Variants in FAN1 observed in about 807,000 individuals in gnomAD.
The protein encoded by FAN1 is fanconi-associated nuclease 1.
A neutral mutation model predicts 104.9 loss-of-function variants in FAN1; 91 were observed. That is an observed-to-expected ratio of 0.87 (90% CI 0.73 to 1.03). The LOEUF is 1.03. FAN1 is among the 50% of genes least tolerant of loss of function. The pLI is 0.00. For missense variants in FAN1, 1,263 were observed against 1,239.9 expected (o/e 1.02, Z -0.28); for synonymous variants, 478 against 457.6 (o/e 1.04, Z -0.57).
intron 13 of FAN1, among the ~76,000 whole-genome samples, chr15:30,933,794 A>G (rs1299060397): frequency 2.6e-5 from 4 of 151,162 alleles, no homozygotes; most frequent in Admixed American, 2.0e-4. Flanking sequence ...GACTCTCACT[A>G]TCACCTAGGC....
At chr15:30,929,087 G>T in intron 11 of FAN1, 116 bp from the exon 12 acceptor site, 1 of 870,868 alleles carries the variant, frequency 1.1e-6, no homozygotes. Flanking sequence ...CTTATCTTTT[G>T]AGAGAAAGAA....
chr15:30,913,974 G>C lies in FAN1; in HGVS notation c.1694G>C (p.Cys565Ser). The C allele has an allele frequency of 6.2e-7, 1 of 1,614,186 alleles. No individual in the cohort carries two copies. The highest frequency in any genetic ancestry group is 8.5e-7 in the Non-Finnish European group (1 of 1,180,028). ...TCAATGGAAGATGAAGACGCCGCTT[G>C]TGGAGGTCAGGGACAGCTTTCAACA... is the stretch of plus-strand genomic sequence containing the variant. ...TDSMEDEDAA[C>S]GGQGQLSTVL... The change falls in exon 5 of 15, where the codon TGT becomes TCT. Residue 565 changes from cysteine (C) to serine (S), a missense_variant. Around this residue, in one of 2 missense-constraint regions of FAN1, gnomAD observed 581 missense variants for 668.8 expected, o/e 0.87. Coordinates refer to ENST00000362065, the MANE Select transcript of FAN1 (RefSeq NM_014967.5).
chr15:30,918,709 A>G (rs529343959), intron 6 of FAN1, among the ~76,000 whole-genome samples: 1 of 152,258 alleles, frequency 6.6e-6, no homozygotes, highest in Non-Finnish European at 1.5e-5. Flanking sequence ...AGACAGCTCA[A>G]GCGAACTTTC....
intron 14 of FAN1, among the ~76,000 whole-genome samples, chr15:30,938,212 A>T (rs975477303): frequency 6.6e-6 from 1 of 152,114 alleles, no homozygotes; most frequent in African/African-American, 2.4e-5. Flanking sequence ...AAACTAGCAT[A>T]ACCAGTGTTT....
intron 10 of FAN1, chr15:30,928,315 T>A: frequency 7.7e-7 from 1 of 1,295,320 alleles, no homozygotes; most frequent in Non-Finnish European, 9.8e-7. Flanking sequence ...AATGTTCATT[T>A]GAATTTTTCT....
intron 14 of FAN1, chr15:30,940,722 T>C: frequency 1.0e-6 from 1 of 989,352 alleles, no homozygotes; most frequent in African/African-American, 1.7e-5. Flanking sequence ...AAGCTTAGTA[T>C]GAAAAGCCTA....
chr15:30,934,952 A>C (rs1012549748), intron 13 of FAN1, among the ~76,000 whole-genome samples: 7 of 152,168 alleles, frequency 4.6e-5, no homozygotes, highest in African/African-American at 1.7e-4. Flanking sequence ...GTATTTACTC[A>C]TGTACATAGC....
rs2061959620 is a variant in FAN1, at chr15:30,905,629, A to C, written c.966A>C (p.Lys322Asn). 6.2e-7 allele frequency: 1 copy of C among 1,614,152 alleles called. No individual in the cohort carries two copies. The highest frequency in any genetic ancestry group is 2.2e-5 in the East Asian group (1 of 44,888). ...AKIQLSDSEA[K>N]SHSSADDASA... ...TACAGCTGTCAGATTCAGAGGCAAA[A>C]TCTCATAGTTCTGCAGATGATGCTT... The change falls in exon 2 of 15, where the codon AAA (lysine) becomes AAC (asparagine). Residue 322 changes from lysine (K) to asparagine (N), a missense_variant. Lys to Asn is a moderately conservative substitution (Grantham distance 94, BLOSUM62 0). Coordinates refer to ENST00000362065, the MANE Select transcript of FAN1 (RefSeq NM_014967.5).
intron 12 of FAN1, among the ~76,000 whole-genome samples, chr15:30,929,776 ATAT>A (rs1445121231): frequency 0.019 from 453 of 23,590 alleles, 70 homozygotes; most frequent in African/African-American, 0.029. Flanking sequence ...AATATATAAT[ATAT>A]TATATCATAT....
At chr15:30,911,769 T>G (rs1466539924) in intron 4 of FAN1, 1 of 958,076 alleles carries the variant, frequency 1.0e-6, no homozygotes, top group African/African-American at 1.8e-5. Context: ...AACATTAAAT[T>G]TAGCCACCCT....
chr15:30,914,404 G>A (rs1015019679), intron 5 of FAN1, among the ~76,000 whole-genome samples: 4 of 152,058 alleles, frequency 2.6e-5, no homozygotes, highest in African/African-American at 7.2e-5. Context: ...ACAGGATTTC[G>A]CCCAGGCTGG....
chr15:30,927,192 G>T (rs188483191), intron 10 of FAN1: 35 of 972,504 alleles, frequency 3.6e-5, no homozygotes, highest in Non-Finnish European at 4.0e-5. Flanking sequence ...CTGGGTGACA[G>T]AGTGAGACCC....
At position 30,937,382 on chromosome 15, in the gene FAN1, G is replaced by A. The variant is rs1304284922; in HGVS notation, c.*3+123G>A. On this transcript the variant is annotated intron_variant, in intron 14 of 14. Transcript: ENST00000362065. ...ATAGTTTGACTTGTCATTTTACAGTGTCTGCATATCACAAAACAGTGTTTG... is the reference window on the plus strand; with the variant it reads ...ATAGTTTGACTTGTCATTTTACAGTATCTGCATATCACAAAACAGTGTTTG... 5.3e-5 allele frequency: 45 copies of A among 851,560 alleles called. 1 individual carries two copies. In the South Asian group the frequency reaches 7.6e-4, roughly 14 times the overall value. 52.8% of individuals were successfully genotyped at this position (851,560 alleles called of 1,614,324 possible).
chr15:30,911,654 C>G, intron 4 of FAN1: 2 of 913,110 alleles, frequency 2.2e-6, no homozygotes, highest in South Asian at 1.0e-4. Context: ...GTATAGAATC[C>G]TCATCTGTGT....
At chr15:30,916,775 T>C (rs1467852100) in intron 5 of FAN1, among the ~76,000 whole-genome samples, 1 of 152,184 alleles carries the variant, frequency 6.6e-6, no homozygotes, top group Non-Finnish European at 1.5e-5. Flanking sequence ...GCCTCAGCCA[T>C]CATGGGGCTA....
In FAN1 at chr15:30,926,119, G is replaced by A. The variant is rs375103814; in HGVS notation, c.2488+180G>A. On this transcript the variant is annotated intron_variant, in intron 10 of 14. Coordinates refer to ENST00000362065, the MANE Select transcript of FAN1 (RefSeq NM_014967.5). ...TATCAATGATAAGGAGTAGGTCAGGGGTAGTTGTCCCACAGGGCCTGGCTC... is the reference window on the plus strand; with the variant it reads ...TATCAATGATAAGGAGTAGGTCAGGAGTAGTTGTCCCACAGGGCCTGGCTC... 1.1e-4 allele frequency among the ~76,000 whole-genome samples: 16 copies of A among 152,270 alleles called. 2 individuals carry two copies. Among genetic ancestry groups the A allele is most frequent in the African/African-American group, 3.9e-4 (16 of 41,558 alleles).
At chr15:30,933,676 C>T (rs1487320957) in intron 13 of FAN1, among the ~76,000 whole-genome samples, 1 of 151,610 alleles carries the variant, frequency 6.6e-6, no homozygotes, top group African/African-American at 2.4e-5. Flanking sequence ...TGTGTCCTTA[C>T]TGATTTCTTA....
At chr15:30,939,728 A>C in intron 14 of FAN1, 1 of 981,028 alleles carries the variant, frequency 1.0e-6, no homozygotes, top group African/African-American at 1.7e-5. Flanking sequence ...ATAATAAAAA[A>C]GCAGCTAAAT....
chr15:30,904,442 T>C (rs1046355779), intron 1 of FAN1, 70 bp from the exon 2 acceptor site: 1 of 631,090 alleles, frequency 1.6e-6, no homozygotes, highest in Non-Finnish European at 2.8e-6. Context: ...TCTTAAACGT[T>C]TCAGAGTTCG....
Sources: allele counts gnomAD v4.1 joint callset (sites outside exome capture counted in the v4.1 genomes callset), GRCh38; gene constraint gnomAD v4.1.1; regional missense constraint gnomAD v4.1.1; transcripts MANE v1.5; gene names NCBI Gene and HGNC (gene_info 2026-07-23, HGNC 2026-07-21).